The following ADARB1 variants were observed in gnomAD, a reference collection of about 807,000 sequenced individuals.
ADARB1 encodes double-stranded RNA-specific editase 1.
In ADARB1, 10 loss-of-function variants were observed where a neutral mutation model predicts 52.4. The ratio of observed to expected loss-of-function variants is 0.19; its 90% confidence interval spans 0.12 to 0.32. ADARB1 has a LOEUF of 0.32. Among genes scored for constraint, ADARB1 ranks in the 10% least tolerant of loss-of-function variants. The probability of loss-of-function intolerance (pLI) is 1.00; values close to 1 mark genes in which losing one functional copy is unlikely to be tolerated. For synonymous variants in ADARB1, 349 were observed against 371.1 expected (o/e 0.94, Z 0.68); for missense variants, 643 against 922.3 (o/e 0.70, Z 3.92).
intron 2 of ADARB1, chr21:45,152,826 T>A (rs1385654370): frequency 5.6e-6 from 1 of 178,816 alleles, no homozygotes; most frequent in African/African-American, 2.4e-5. Flanking sequence ...TTACTTCCTA[T>A]TTTCCCTTTT....
chr21:45,180,628 AT>A (rs2091898225), intron 5 of ADARB1, among the ~76,000 whole-genome samples, 184 bp downstream of exon 5: 1 of 152,214 alleles, frequency 6.6e-6, no homozygotes, highest in Non-Finnish European at 1.5e-5. Flanking sequence ...CAAAATGTTC[AT>A]CTTTTTAACC....
chr21:45,120,124 A>G (rs1284439561), intron 1 of ADARB1, among the ~76,000 whole-genome samples: 2 of 152,228 alleles, frequency 1.3e-5, no homozygotes, highest in Non-Finnish European at 2.9e-5. Flanking sequence ...GTAGGTTACC[A>G]TGGACTAGCC....
intron 2 of ADARB1, among the ~76,000 whole-genome samples, chr21:45,156,323 C>G (rs1171776740): frequency 7.3e-6 from 1 of 136,682 alleles, no homozygotes; most frequent in African/African-American, 2.8e-5. Flanking sequence ...ACCCACCCAT[C>G]ATCACCCATC....
At chr21:45,201,599 A>T (rs2092554578) in intron 8 of ADARB1, among the ~76,000 whole-genome samples, 1 of 152,230 alleles carries the variant, frequency 6.6e-6, no homozygotes, top group South Asian at 2.1e-4. Flanking sequence ...AATGTGTCAT[A>T]GGAATTGGAG....
At chr21:45,144,822 C>A in intron 2 of ADARB1, 1 of 261,732 alleles carries the variant, frequency 3.8e-6, no homozygotes, top group South Asian at 3.9e-5. Context: ...ACTGCTTGTC[C>A]TGTCATGCCG....
chr21:45,088,782 G>A lies in ADARB1; in HGVS notation c.-220+13989G>A, dbSNP rs969003921. Among the ~76,000 whole-genome samples, 6 of 152,202 alleles carry A rather than the reference G, an allele frequency of 3.9e-5. No homozygotes were observed. The East Asian group carries it at 5.8e-4, about 15-fold the overall frequency. On this transcript the variant is annotated intron_variant, in intron 1 of 10. Coordinates refer to ENST00000348831, the MANE Select transcript of ADARB1 (RefSeq NM_001112.4). ...CCAGCAGACACCACGTCACCTGGGC[G>A]ATCAAGATCAGCATCATCTGATGAG...
chr21:45,156,252 T>TTC (rs2090608210), intron 2 of ADARB1, among the ~76,000 whole-genome samples: 1 of 72,280 alleles, frequency 1.4e-5, no homozygotes, highest in Non-Finnish European at 2.8e-5. Flanking sequence ...ACCCATCATC[T>TTC]ATCCAGCCAT....
At chr21:45,161,206 A>G (rs1404661906) in intron 2 of ADARB1, among the ~76,000 whole-genome samples, 1 of 152,168 alleles carries the variant, frequency 6.6e-6, no homozygotes, top group Non-Finnish European at 1.5e-5. Context: ...GGAACCGGGA[A>G]CAGGTGGAAG....
chr21:45,218,799 T>C lies in ADARB1; in HGVS notation c.1748-2037T>C, dbSNP rs138243176. Among the ~76,000 whole-genome samples the C allele has an allele frequency of 9.3e-4, 141 of 152,374 alleles. 1 individual carries two copies. Among genetic ancestry groups the C allele is most frequent in the African/African-American group, 3.3e-3 (138 of 41,596 alleles). ...ACGAAGTGAGTTGTACTGAGTCATCTGAGAGTGCAGTGTGCTGCTTCTGGC... is the reference window on the plus strand; with the variant it reads ...ACGAAGTGAGTTGTACTGAGTCATCCGAGAGTGCAGTGTGCTGCTTCTGGC... On this transcript the variant is annotated intron_variant, in intron 9 of 10. Coordinates refer to ENST00000348831, the MANE Select transcript of ADARB1 (RefSeq NM_001112.4).
intron 2 of ADARB1, chr21:45,145,889 A>G (rs2089979809): frequency 6.6e-6 from 1 of 152,214 alleles, no homozygotes; most frequent in African/African-American, 2.4e-5. Flanking sequence ...CATTTAGTAG[A>G]CCTGCCAGAT....
rs2092966420 is a variant in ADARB1, at chr21:45,221,664, G to A, written c.1927-354G>A. Among the ~76,000 whole-genome samples the A allele has an allele frequency of 6.6e-6, 1 of 152,194 alleles. No individual in the cohort carries two copies. The highest frequency in any genetic ancestry group is 2.1e-4 in the South Asian group (1 of 4,828). On this transcript the variant is annotated intron_variant, in intron 10 of 10. Coordinates refer to ENST00000348831, the MANE Select transcript of ADARB1 (RefSeq NM_001112.4). This position sits in a 1 kb window ranked among gnomAD's most constrained non-coding sequence, Gnocchi z 4.9. ...GGAGTTACTGGCCGCATGAGGGAAG[G>A]CCTCCGAGGTCATCAGGGTGATGAC...
intron 1 of ADARB1, among the ~76,000 whole-genome samples, chr21:45,077,009 A>C (rs975491153): frequency 6.6e-6 from 1 of 152,236 alleles, no homozygotes; most frequent in Non-Finnish European, 1.5e-5. Context: ...ATCCCTGGGC[A>C]CTTGGTTCAA....
intron 7 of ADARB1, chr21:45,184,448 ATTT>A (rs35076710): frequency 7.2e-3 from 1,017 of 141,640 alleles, no homozygotes; most frequent in South Asian, 0.024. Flanking sequence ...ATTTCATATA[ATTT>A]TTTTTTTTTT....
At chr21:45,119,867 C>G (rs916634191) in intron 1 of ADARB1, among the ~76,000 whole-genome samples, 4 of 152,142 alleles carry the variant, frequency 2.6e-5, no homozygotes, top group African/African-American at 9.7e-5. Flanking sequence ...AAATGGACAT[C>G]GAAATGATAA....
intron 1 of ADARB1, among the ~76,000 whole-genome samples, chr21:45,108,355 T>G (rs1001901185): frequency 2.0e-5 from 3 of 152,234 alleles, no homozygotes; most frequent in Non-Finnish European, 4.4e-5. Context: ...CTATTTCTCA[T>G]GTACGTGCTT....
At chr21:45,139,593 C>T (rs1474267804) in intron 2 of ADARB1, among the ~76,000 whole-genome samples, 2 of 152,220 alleles carry the variant, frequency 1.3e-5, no homozygotes, top group Non-Finnish European at 2.9e-5. Flanking sequence ...GCTTCCTCCT[C>T]TGTCACGTGG....
chr21:45,080,067 G>T (rs1451927266), intron 1 of ADARB1, among the ~76,000 whole-genome samples: 1 of 152,162 alleles, frequency 6.6e-6, no homozygotes, highest in Non-Finnish European at 1.5e-5. Flanking sequence ...TTCTTCGTGG[G>T]CTGGAGAGTT....
rs1326433213 is a variant in ADARB1, at chr21:45,180,452, T to C, written c.1078+8T>C. On this transcript the variant is annotated splice_region_variant and intron_variant, in intron 5 of 10. Coordinates refer to ENST00000348831, the MANE Select transcript of ADARB1 (RefSeq NM_001112.4). ...GAGTCGTCATGACAACAGGTAACCA[T>C]CTTGGTGTTGTATGTAACCCTGCCT... 1 of 1,606,624 alleles carries C rather than the reference T, an allele frequency of 6.2e-7. No homozygotes were observed. The highest frequency in any genetic ancestry group is 8.5e-7 in the Non-Finnish European group (1 of 1,173,710).
chr21:45,094,554 ATGGAAG>A (rs2086681011), intron 1 of ADARB1, among the ~76,000 whole-genome samples: 1 of 152,120 alleles, frequency 6.6e-6, no homozygotes, highest in African/African-American at 2.4e-5. Flanking sequence ...TCCTCTGTAC[ATGGAAG>A]CAGCCCCGAG....
Sources: allele counts gnomAD v4.1 joint callset (sites outside exome capture counted in the v4.1 genomes callset), GRCh38; gene constraint gnomAD v4.1.1; non-coding constraint Gnocchi (gnomAD v3.1); transcripts MANE v1.5; gene names NCBI Gene and HGNC (gene_info 2026-07-23, HGNC 2026-07-21).